The following TSHZ2 variants were observed in gnomAD, a reference collection of about 807,000 sequenced individuals.
TSHZ2 encodes the protein teashirt zinc finger homeobox 2, also known as teashirt homolog 2.
TSHZ2 carries 21 observed loss-of-function variants against 74.4 expected under a neutral mutation model. The ratio of observed to expected loss-of-function variants is 0.28; its 90% CI spans 0.20 to 0.41. TSHZ2 has a LOEUF of 0.41. Ranked by LOEUF, TSHZ2 falls within the 10% of genes least tolerant of loss-of-function variation. The probability of loss-of-function intolerance (pLI) is 1.00; values close to 1 mark genes in which losing one functional copy is unlikely to be tolerated. For synonymous variants in TSHZ2, 540 were observed against 515.3 expected (o/e 1.05, Z -0.65); for missense variants, 1,244 against 1,293.5 (o/e 0.96, Z 0.59).
At chr20:53,198,012 C>T (rs112017256) in intron 1 of TSHZ2, among the ~76,000 whole-genome samples, 3 of 152,076 alleles carry the variant, frequency 2.0e-5, no homozygotes, top group African/African-American at 4.8e-5. Flanking sequence ...AAGATGATCT[C>T]GTTTTCCAGA....
intron 1 of TSHZ2, among the ~76,000 whole-genome samples, chr20:53,166,385 A>C (rs1988063653): frequency 6.6e-6 from 1 of 152,168 alleles, no homozygotes; most frequent in Admixed American, 6.6e-5. Flanking sequence ...TGGAAGGCTG[A>C]GGTGGGAGGA....
chr20:53,024,273 A>G (rs1163016709), intron 1 of TSHZ2, among the ~76,000 whole-genome samples: 1 of 151,930 alleles, frequency 6.6e-6, no homozygotes, highest in Non-Finnish European at 1.5e-5. Flanking sequence ...TTTTCAGGGG[A>G]AACCAAATCA....
chr20:53,385,633 G>A lies in TSHZ2; in HGVS notation c.*9-101511G>A, dbSNP rs189437883. On this transcript the variant is annotated intron_variant, in intron 2 of 2. Coordinates refer to ENST00000371497, the MANE Select transcript of TSHZ2 (RefSeq NM_173485.6). ...TCGCCCTGGAGATGTTTTTAAGGTC[G>A]CTGTTAGGGCTCCAGTTTTAACCCA... is the stretch of plus-strand genomic sequence containing the variant. Among the ~76,000 whole-genome samples, 87 of 152,228 alleles carry A rather than the reference G, an allele frequency of 5.7e-4. 1 individual carries two copies. The South Asian group carries it at 0.017, about 30-fold the overall frequency.
At chr20:53,398,049 C>G (rs1982521215) in intron 2 of TSHZ2, 1 of 152,098 alleles carries the variant, frequency 6.6e-6, no homozygotes, top group Non-Finnish European at 1.5e-5. Context: ...TTAATGGGTG[C>G]AGCACACCAA....
chr20:53,104,642 T>C (rs1986312429), intron 1 of TSHZ2, among the ~76,000 whole-genome samples: 1 of 152,198 alleles, frequency 6.6e-6, no homozygotes, highest in Admixed American at 6.5e-5. Context: ...TCCTCTATGC[T>C]TGGCTTATGA....
chr20:53,377,630 A>G (rs1374193682), intron 2 of TSHZ2, among the ~76,000 whole-genome samples: 10 of 152,148 alleles, frequency 6.6e-5, no homozygotes, highest in African/African-American at 1.7e-4. Flanking sequence ...GAGGCCAAGG[A>G]GGGCGGATCA....
At chr20:53,064,737 T>C (rs1984925856) in intron 1 of TSHZ2, among the ~76,000 whole-genome samples, 1 of 152,094 alleles carries the variant, frequency 6.6e-6, no homozygotes, top group African/African-American at 2.4e-5. Context: ...TCGTCAGTTT[T>C]ATGCCCACAA....
At chr20:53,141,293 G>A (rs921681979) in intron 1 of TSHZ2, among the ~76,000 whole-genome samples, 2 of 152,180 alleles carry the variant, frequency 1.3e-5, no homozygotes, top group African/African-American at 2.4e-5. Flanking sequence ...TCAGACTGGC[G>A]AAGGCTGGGA....
chr20:53,066,750 C>T (rs1248870151), intron 1 of TSHZ2, among the ~76,000 whole-genome samples: 1 of 152,222 alleles, frequency 6.6e-6, no homozygotes, highest in African/African-American at 2.4e-5. Flanking sequence ...TCGTGATCTG[C>T]CCGCCTCGGC....
chr20:53,194,812 A>T (rs1167419478), intron 1 of TSHZ2, among the ~76,000 whole-genome samples: 1 of 152,224 alleles, frequency 6.6e-6, no homozygotes, highest in Non-Finnish European at 1.5e-5. Flanking sequence ...AACCAGCTCT[A>T]TTCTGTTTTG....
intron 2 of TSHZ2, among the ~76,000 whole-genome samples, chr20:53,369,959 G>A (rs1454246036): frequency 6.6e-6 from 1 of 152,172 alleles, no homozygotes; most frequent in African/African-American, 2.4e-5. Flanking sequence ...GTGTTGGAAA[G>A]TTATTGTGTC....
At chr20:53,096,384 C>T (rs1986047454) in intron 1 of TSHZ2, among the ~76,000 whole-genome samples, 1 of 152,256 alleles carries the variant, frequency 6.6e-6, no homozygotes. Context: ...CTCAAGTGAT[C>T]CACTCGCCTA....
chr20:53,122,288 CAA>C (rs1314517744), intron 1 of TSHZ2, among the ~76,000 whole-genome samples: 13 of 65,602 alleles, frequency 2.0e-4, no homozygotes, highest in Admixed American at 3.6e-4. Context: ...ACCCCATCTA[CAA>C]AAAAAAAAAA....
intron 2 of TSHZ2, among the ~76,000 whole-genome samples, chr20:53,290,903 A>G (rs906427863): frequency 2.0e-5 from 3 of 152,204 alleles, no homozygotes; most frequent in Non-Finnish European, 4.4e-5. Context: ...ATTTGTTTAC[A>G]TATTGTCTAT....
intron 1 of TSHZ2, among the ~76,000 whole-genome samples, chr20:53,078,034 T>C (rs188526249): frequency 1.3e-5 from 2 of 152,356 alleles, no homozygotes; most frequent in East Asian, 3.9e-4. Context: ...ATTTACTGAA[T>C]GCGTAGGCAG....
chr20:53,453,857 A>G (rs1418819667), intron 2 of TSHZ2, among the ~76,000 whole-genome samples: 2 of 152,172 alleles, frequency 1.3e-5, no homozygotes, highest in Admixed American at 6.5e-5. Context: ...GTTTGGGACT[A>G]TTCCTGGGAA....
At chr20:53,364,445 A>G (rs1338857881) in intron 2 of TSHZ2, among the ~76,000 whole-genome samples, 2 of 152,128 alleles carry the variant, frequency 1.3e-5, no homozygotes, top group African/African-American at 4.8e-5. Flanking sequence ...CCTCCCCTGA[A>G]GCCATCACTT....
intron 2 of TSHZ2, among the ~76,000 whole-genome samples, chr20:53,468,688 CAAAAAAAAAA>C (rs1158529552): frequency 1.4e-4 from 9 of 65,410 alleles, no homozygotes; most frequent in African/African-American, 2.6e-4. Flanking sequence ...CATTACGAGA[CAAAAAAAAAA>C]AAAAAAAAAA....
chr20:53,137,670 G>T (rs1987281372), intron 1 of TSHZ2, among the ~76,000 whole-genome samples: 3 of 152,072 alleles, frequency 2.0e-5, no homozygotes, highest in Admixed American at 2.0e-4. Context: ...TCACCTTTCA[G>T]ACACATTCAT....
Sources: allele counts gnomAD v4.1 joint callset (sites outside exome capture counted in the v4.1 genomes callset), GRCh38; gene constraint gnomAD v4.1.1; transcripts MANE v1.5; gene names NCBI Gene and HGNC (gene_info 2026-07-23, HGNC 2026-07-21).